Variants in THOC5 observed in about 807,000 individuals in gnomAD.
THOC5 encodes Fms-interacting protein.
A neutral mutation model predicts 92.9 loss-of-function variants in THOC5; 43 were observed. The ratio of observed to expected loss-of-function variants is 0.46; its 90% confidence interval spans 0.36 to 0.60. The LOEUF (loss-of-function observed/expected upper bound fraction) is 0.60. Ranked by LOEUF, THOC5 falls within the 20% of genes least tolerant of loss-of-function variation. THOC5 has a pLI of 0.00. For missense variants in THOC5, 659 were observed against 849.4 expected, an observed-to-expected ratio of 0.78 and a Z score of 2.79; for synonymous variants, 296 against 320.1, an observed-to-expected ratio of 0.92 and a Z score of 0.80.
intron 6 of THOC5, 140 bp downstream of exon 6, chr22:29,539,190 T>C (rs371178267): frequency 1.3e-6 from 1 of 781,718 alleles, no homozygotes. Flanking sequence ...GTTTAAACTA[T>C]CCAGTGTGAT....
rs201511253 is a variant in THOC5 at position 29,508,441 on chromosome 22, C to T, written c.*16G>A. The T allele has an allele frequency of 5.5e-5, 88 of 1,613,844 alleles. No individual in the cohort carries two copies. The African/African-American group carries it at 8.7e-4, about 16-fold the overall frequency. The stretch of plus-strand genomic sequence containing the variant: ...CAGGGTGAGGCCTTGGGGGAAACAA[C>T]GGTCTGCGCGGGAGATCAGCGATGG... On this transcript the variant is annotated 3_prime_UTR_variant, in exon 20 of 20. Transcript: ENST00000490103.
At chr22:29,541,885 A>T (rs369339480) in intron 5 of THOC5, among the ~76,000 whole-genome samples, 21,193 of 97,654 alleles carry the variant, frequency 0.22, 2,615 homozygotes, top group East Asian at 0.49. Context: ...AAAAAAAAAA[A>T]AAAAAAAAAT....
chr22:29,532,453 C>T (rs780196626), intron 7 of THOC5, among the ~76,000 whole-genome samples: 30 of 151,902 alleles, frequency 2.0e-4, no homozygotes, highest in African/African-American at 6.3e-4. Flanking sequence ...CACCTGAGGT[C>T]GGGAGATCAA....
Position 29,508,355 on chromosome 22 carries a change from T to C in THOC5, c.*102A>G. On this transcript the variant is annotated 3_prime_UTR_variant, in exon 20 of 20. Transcript: ENST00000490103. ...CAGGTGACGCTTTTTAATTGGCTGG[T>C]GTCTTTGGAGAATATCAAGAGTCAC... 3.2e-6 allele frequency: 4 copies of C among 1,237,654 alleles called. No homozygotes were observed. Among genetic ancestry groups the C allele is most frequent in the Non-Finnish European group, 4.6e-6 (4 of 863,336 alleles). 76.7% of individuals were successfully genotyped at this position (1,237,654 alleles called of 1,614,324 possible).
At chr22:29,508,553 C>T in intron 19 of THOC5, 33 bp from the exon 20 acceptor site, 1 of 1,566,560 alleles carries the variant, frequency 6.4e-7, no homozygotes, top group Non-Finnish European at 8.8e-7. Flanking sequence ...TTGTTAATAA[C>T]ACACCTTCTA....
intron 9 of THOC5, among the ~76,000 whole-genome samples, 185 bp from the exon 10 acceptor site, chr22:29,528,651 AAAG>A (rs879945491): frequency 6.6e-5 from 10 of 152,188 alleles, no homozygotes; most frequent in African/African-American, 1.9e-4. Context: ...AAAAAAGAAA[AAAG>A]AAGAATGACG....
intron 11 of THOC5, among the ~76,000 whole-genome samples, chr22:29,527,766 C>T (rs2063571841): frequency 6.6e-6 from 1 of 152,128 alleles, no homozygotes; most frequent in African/African-American, 2.4e-5. Flanking sequence ...ATTTATTAAA[C>T]ATGTTGGTCT....
In THOC5 at chr22:29,507,897, G is replaced by A. The variant is rs988852316; in HGVS notation, c.*560C>T. On this transcript the variant is annotated 3_prime_UTR_variant, in exon 20 of 20. Coordinates refer to ENST00000490103, the MANE Select transcript of THOC5 (RefSeq NM_003678.5). ...GGGGGTGTTGGTGCCCCTAACCCCT[G>A]AGTTGTTCAAGGATCAACTGAGTTT... 1 of 154,376 alleles carries A rather than the reference G, an allele frequency of 6.5e-6. No homozygotes were observed. Among genetic ancestry groups the A allele is most frequent in the Non-Finnish European group, 1.4e-5 (1 of 69,552 alleles). 9.6% of individuals were successfully genotyped at this position (154,376 alleles called of 1,614,324 possible).
Position 29,508,535 on chromosome 22 carries a change from G to A in THOC5, c.1989-15C>T. Reference sequence around the variant, plus strand: ...TGCTAGGACCCCTAGAGAAATAGGAGAACGGAGTTGTTAATAACACACCTT... The same window carrying A: ...TGCTAGGACCCCTAGAGAAATAGGAAAACGGAGTTGTTAATAACACACCTT... On this transcript the variant is annotated splice_polypyrimidine_tract_variant and intron_variant, in intron 19 of 19. Coordinates refer to ENST00000490103, the MANE Select transcript of THOC5 (RefSeq NM_003678.5). 1 of 1,608,634 alleles carries A rather than the reference G, an allele frequency of 6.2e-7. No homozygotes were observed.
chr22:29,536,405 GA>G (rs1300620826), intron 7 of THOC5: 3 of 502,288 alleles, frequency 6.0e-6, no homozygotes, highest in East Asian at 3.2e-5. Flanking sequence ...GCCTCTGGAT[GA>G]AAACACCCAG....
At position 29,551,901 on chromosome 22, in the gene THOC5, TCAGCCTGCCGA is replaced by T. The variant is rs1366495689; in HGVS notation, c.-12+1759_-12+1769del. ...AACCTCTCTGCCTGATTCTCCTGCC[TCAGCCTGCCGA>T]GTGCCTGCAATTGCAGGCGCGCGCC... On this transcript the variant is annotated intron_variant, in intron 1 of 19. Coordinates refer to ENST00000490103, the MANE Select transcript of THOC5 (RefSeq NM_003678.5). Among the ~76,000 whole-genome samples, 3 of 146,910 alleles carry T rather than the reference TCAGCCTGCCGA, an allele frequency of 2.0e-5. 1 individual carries two copies. Among genetic ancestry groups the T allele is most frequent in the African/African-American group, 5.0e-5 (2 of 39,966 alleles).
chr22:29,529,087 GT>G, intron 9 of THOC5, 74 bp downstream of exon 9: 1 of 1,444,562 alleles, frequency 6.9e-7, no homozygotes, highest in Non-Finnish European at 9.7e-7. Flanking sequence ...AGTCCAGCTA[GT>G]TCTCCAAAGA....
intron 7 of THOC5, 142 bp from the exon 8 acceptor site, chr22:29,532,105 A>C: frequency 1.0e-6 from 1 of 1,000,516 alleles, no homozygotes; most frequent in Non-Finnish European, 1.4e-6. Flanking sequence ...TAAAAGCTCA[A>C]CGTAAACAAA....
At chr22:29,519,954 C>T in intron 14 of THOC5, 54 bp downstream of exon 14, 1 of 1,488,746 alleles carries the variant, frequency 6.7e-7, no homozygotes. Flanking sequence ...AGAGTCTATA[C>T]AGGAAGAGAA....
rs565641023 is a variant in THOC5 at position 29,549,058 on chromosome 22, G to T, written c.90C>A (p.Thr30=). 2 of 1,613,966 alleles carry T rather than the reference G, an allele frequency of 1.2e-6. No individual in the cohort carries two copies. Among genetic ancestry groups the T allele is most frequent in the East Asian group, 4.5e-5 (2 of 44,876 alleles). The part of the protein sequence containing the change: ...PAEGKRNRSD[T]EQEGKYYSEE... The stretch of plus-strand genomic sequence containing the variant: ...CAACCCTGACTGATCTCACCTGCTC[G>T]GTGTCAGATCGATTCCGCTTTCCTT... Residue 30 remains threonine, a synonymous_variant, in exon 2 of 20, where the codon ACC becomes ACA. Coordinates refer to ENST00000490103, the MANE Select transcript of THOC5 (RefSeq NM_003678.5).
chr22:29,540,317 A>C (rs2063855058), intron 5 of THOC5, among the ~76,000 whole-genome samples: 1 of 152,230 alleles, frequency 6.6e-6, no homozygotes, highest in African/African-American at 2.4e-5. Flanking sequence ...TTGACTGCTC[A>C]GGTTATGGTC....
chr22:29,543,592 C>A, intron 3 of THOC5, 50 bp from the exon 4 acceptor site: 1 of 1,453,468 alleles, frequency 6.9e-7, no homozygotes, highest in Admixed American at 1.7e-5. Context: ...GCTAGCTCAG[C>A]TTCCTTCAGT....
chr22:29,530,744 CTT>C (rs2063637221), intron 8 of THOC5, among the ~76,000 whole-genome samples: 1 of 152,256 alleles, frequency 6.6e-6, no homozygotes, highest in South Asian at 2.1e-4. Flanking sequence ...TGAGTGATGT[CTT>C]GAGACCCCCT....
At chr22:29,513,143 G>A (rs868809410) in intron 17 of THOC5, among the ~76,000 whole-genome samples, 3 of 151,686 alleles carry the variant, frequency 2.0e-5, no homozygotes, top group African/African-American at 4.8e-5. Context: ...GAGATCAGGA[G>A]ATCGAGACCA....
Sources: gnomAD v4.1 joint callset for allele counts (sites outside exome capture counted in the v4.1 genomes callset) on GRCh38, gnomAD v4.1.1 for gene constraint, MANE v1.5 for transcripts, NCBI Gene and HGNC (gene_info 2026-07-23, HGNC 2026-07-21) for gene names.